MTURN: variants seen among roughly 807,000 people sequenced by gnomAD.
The protein encoded by MTURN is maturin.
Under a neutral mutation model 14.9 loss-of-function variants are expected in MTURN, and 7 were observed. That is an observed-to-expected ratio of 0.47 (90% CI 0.27 to 0.88). MTURN has a LOEUF of 0.88. Among genes scored for constraint, MTURN ranks in the 40% least tolerant of loss-of-function variants. The pLI is 0.14. For synonymous variants in MTURN, 69 were observed against 72.5 expected, an observed-to-expected ratio of 0.95 and a Z score of 0.25; for missense variants, 151 against 174.1, an observed-to-expected ratio of 0.87 and a Z score of 0.75.
intron 1 of MTURN, chr7:30,145,843 C>T: frequency 6.5e-7 from 1 of 1,540,178 alleles, no homozygotes; most frequent in Non-Finnish European, 8.7e-7. Flanking sequence ...TTCCCCATGT[C>T]TGAAAACCGC....
In MTURN at chr7:30,159,191, T is replaced by C. The variant is rs1429959004; in HGVS notation, c.*1643T>C. On this transcript the variant is annotated 3_prime_UTR_variant, in exon 3 of 3. Transcript: ENST00000324453. ...TACTAAAGGTTAATTTCAAGTAAAA[T>C]GAATTTCCTTCCAAGTAGCCTATTA... 1 of 152,236 alleles carries C rather than the reference T, an allele frequency of 6.6e-6. No individual in the cohort carries two copies. The highest frequency in any genetic ancestry group is 6.5e-5 in the Admixed American group (1 of 15,286). 9.4% of individuals were successfully genotyped at this position (152,236 alleles called of 1,614,324 possible).
At chr7:30,142,662 A>C (rs10488087) in intron 1 of MTURN, among the ~76,000 whole-genome samples, 1 of 152,312 alleles carries the variant, frequency 6.6e-6, no homozygotes, top group Non-Finnish European at 1.5e-5. Flanking sequence ...TTTCTCAGTT[A>C]ACTTTGCAAT....
chr7:30,158,878 C>T lies in MTURN; in HGVS notation c.*1330C>T, dbSNP rs1341054578. On this transcript the variant is annotated 3_prime_UTR_variant, in exon 3 of 3. Transcript: ENST00000324453. ...TTAAACCTAGCATCTGGGGTGGGTA[C>T]GTTTAAACAGTCACACATGTGCCTG... is the stretch of plus-strand genomic sequence containing the variant. 2.0e-5 allele frequency: 3 copies of T among 152,026 alleles called. No individual in the cohort carries two copies. The highest frequency in any genetic ancestry group is 2.1e-4 in the South Asian group (1 of 4,826). 9.4% of individuals were successfully genotyped at this position (152,026 alleles called of 1,614,324 possible). A position where few individuals can be genotyped will look rare whatever the true frequency, so the allele number is the denominator to read the frequency against.
chr7:30,143,884 T>C (rs1290896628), intron 1 of MTURN, among the ~76,000 whole-genome samples: 1 of 152,254 alleles, frequency 6.6e-6, no homozygotes, highest in Non-Finnish European at 1.5e-5. Context: ...GTGATATACT[T>C]TTCTAAGTTT....
intron 1 of MTURN, among the ~76,000 whole-genome samples, chr7:30,143,026 TG>T (rs2128031020): frequency 6.6e-6 from 1 of 152,278 alleles, no homozygotes; most frequent in Admixed American, 6.5e-5. Context: ...CATTTGTCTT[TG>T]TACAGGACTA....
chr7:30,150,853 C>T (rs1797200990), intron 2 of MTURN, among the ~76,000 whole-genome samples: 1 of 152,206 alleles, frequency 6.6e-6, no homozygotes, highest in African/African-American at 2.4e-5. Context: ...CTGTTTTGCT[C>T]CCATGCTGTG....
chr7:30,155,448 T>G (rs551928317), intron 2 of MTURN, among the ~76,000 whole-genome samples: 103 of 152,326 alleles, frequency 6.8e-4, no homozygotes, highest in African/African-American at 2.4e-3. Context: ...TTACGACTAG[T>G]CATCTTTTCT....
chr7:30,150,580 A>G (rs573920074), intron 2 of MTURN, among the ~76,000 whole-genome samples: 17 of 152,310 alleles, frequency 1.1e-4, no homozygotes, highest in Admixed American at 9.2e-4. Flanking sequence ...TGATCACATT[A>G]TCAGAAAATA....
chr7:30,152,169 A>G (rs1259509075), intron 2 of MTURN, among the ~76,000 whole-genome samples: 1 of 141,244 alleles, frequency 7.1e-6, no homozygotes, highest in East Asian at 2.0e-4. Context: ...TTTTTTTCTC[A>G]TTCATGTTAT....
chr7:30,149,040 T>A (rs1797169731), intron 2 of MTURN, among the ~76,000 whole-genome samples: 1 of 152,126 alleles, frequency 6.6e-6, no homozygotes, highest in Admixed American at 6.5e-5. Context: ...CTCCCCTCCC[T>A]GCAGAACTGG....
intron 1 of MTURN, chr7:30,141,178 G>C (rs1247358902): frequency 6.6e-6 from 1 of 152,292 alleles, no homozygotes; most frequent in Admixed American, 6.5e-5. Context: ...ACTTTGGGAG[G>C]CCGAGGCGGG....
chr7:30,145,106 T>A (rs1452307897), intron 1 of MTURN, among the ~76,000 whole-genome samples: 2 of 152,150 alleles, frequency 1.3e-5, no homozygotes, highest in Non-Finnish European at 2.9e-5. Flanking sequence ...AACCTATTTC[T>A]TGGCCTTGTT....
intron 1 of MTURN, among the ~76,000 whole-genome samples, chr7:30,136,160 C>T (rs950129869): frequency 1.3e-5 from 2 of 152,198 alleles, no homozygotes; most frequent in Non-Finnish European, 1.5e-5. Flanking sequence ...GTTGGCTTTT[C>T]CAGATGACGG....
chr7:30,149,044 G>GA (rs768511307), intron 2 of MTURN, among the ~76,000 whole-genome samples: 154 of 152,288 alleles, frequency 1.0e-3, no homozygotes, highest in Non-Finnish European at 1.3e-3. Context: ...CCTCCCTGCA[G>GA]AACTGGCTCA....
chr7:30,137,269 C>T (rs1305452927), intron 1 of MTURN: 4 of 198,750 alleles, frequency 2.0e-5, no homozygotes, highest in Admixed American at 5.2e-5. Flanking sequence ...GCAAGAATGG[C>T]TCATGGTTCT....
intron 1 of MTURN, among the ~76,000 whole-genome samples, chr7:30,142,596 T>C (rs1797067916): frequency 6.6e-6 from 1 of 152,198 alleles, no homozygotes; most frequent in African/African-American, 2.4e-5. Context: ...AATAAACTGA[T>C]TACCAAGCAG....
rs1336745440 is a variant in MTURN at position 30,162,376 on chromosome 7, A to G, written c.*4828A>G. ...GAGGAGGAAGTAAATCTTCAATGCT[A>G]GGGCAGATCTTCACTATCCGTGATC... On this transcript the variant is annotated 3_prime_UTR_variant, in exon 3 of 3. Coordinates refer to ENST00000324453, the MANE Select transcript of MTURN (RefSeq NM_152793.3). 6.6e-6 allele frequency: 1 copy of G among 152,302 alleles called. No homozygotes were observed. Among genetic ancestry groups the G allele is most frequent in the Admixed American group, 6.5e-5 (1 of 15,286 alleles). The allele number at this position is 152,302 out of a possible 1,614,324, so 9.4% of individuals were successfully genotyped here. A position where few individuals can be genotyped will look rare whatever the true frequency, so the allele number is the denominator to read the frequency against.
At chr7:30,141,359 G>A (rs1372492271) in intron 1 of MTURN, 2 of 147,698 alleles carry the variant, frequency 1.4e-5, no homozygotes, top group African/African-American at 5.0e-5. Flanking sequence ...AGGTTGCAGC[G>A]AGCCAAGATC....
chr7:30,154,789 A>G (rs191636227), intron 2 of MTURN, among the ~76,000 whole-genome samples: 173 of 152,242 alleles, frequency 1.1e-3, no homozygotes, highest in African/African-American at 3.8e-3. Flanking sequence ...CCCTTTCCAG[A>G]AGGGCAGTGA....
Sources: gnomAD v4.1 joint callset for allele counts (sites outside exome capture counted in the v4.1 genomes callset) on GRCh38, gnomAD v4.1.1 for gene constraint, MANE v1.5 for transcripts, NCBI Gene and HGNC (gene_info 2026-07-23, HGNC 2026-07-21) for gene names.